Variants in TRAPPC12 observed in about 807,000 individuals in gnomAD.
TRAPPC12 encodes TPR repeat protein 15.
Under a neutral mutation model 69.2 loss-of-function variants are expected in TRAPPC12, and 61 were observed. The observed-to-expected ratio is 0.88, with a 90% CI of 0.72 to 1.09. The LOEUF (loss-of-function observed/expected upper bound fraction) is 1.09, where lower values mean the gene tolerates loss of function less well. TRAPPC12 is among the 50% of genes least tolerant of loss of function. TRAPPC12 has a pLI of 0.00. For synonymous variants in TRAPPC12, 469 were observed against 438.9 expected (o/e 1.07, Z -0.86); for missense variants, 1,101 against 1,016.4 (o/e 1.08, Z -1.13).
intron 2 of TRAPPC12, 52 bp downstream of exon 2, chr2:3,388,722 G>T: frequency 6.8e-7 from 1 of 1,463,112 alleles, no homozygotes. Flanking sequence ...CTGCGTCTGT[G>T]AGATACGCAC....
chr2:3,412,870 A>AG (rs1246902069), intron 3 of TRAPPC12, among the ~76,000 whole-genome samples: 4 of 152,240 alleles, frequency 2.6e-5, no homozygotes, highest in Non-Finnish European at 5.9e-5. Context: ...ACACAGAGCT[A>AG]GGCACATAAG....
intron 3 of TRAPPC12, among the ~76,000 whole-genome samples, chr2:3,404,901 AAG>A (rs1404731341): frequency 6.6e-6 from 1 of 151,870 alleles, no homozygotes; most frequent in Non-Finnish European, 1.5e-5. Context: ...AGGGGGCGCA[AAG>A]AGTGAGGAGA....
At chr2:3,395,236 T>G (rs568078237) in intron 2 of TRAPPC12, among the ~76,000 whole-genome samples, 118 of 152,324 alleles carry the variant, frequency 7.7e-4, no homozygotes, top group Non-Finnish European at 3.2e-4. Context: ...ATAGACTACT[T>G]GATACAAAGG....
intron 1 of TRAPPC12, among the ~76,000 whole-genome samples, chr2:3,382,247 G>A (rs1660247415): frequency 6.7e-6 from 1 of 148,942 alleles, no homozygotes; most frequent in African/African-American, 2.5e-5. Flanking sequence ...TGATTCTGCT[G>A]CCTCAGCCTC....
intron 1 of TRAPPC12, among the ~76,000 whole-genome samples, chr2:3,383,738 A>T (rs752542302): frequency 6.6e-6 from 1 of 151,894 alleles, no homozygotes; most frequent in Non-Finnish European, 1.5e-5. Context: ...CCTGAGATTG[A>T]TACTGTGTCT....
At chr2:3,458,550 G>T in intron 7 of TRAPPC12, 3 of 663,006 alleles carry the variant, frequency 4.5e-6, no homozygotes, top group Non-Finnish European at 5.6e-6. Context: ...TGTTGGGTGT[G>T]CATGCTGTGG....
At chr2:3,397,703 T>A (rs149767537) in intron 2 of TRAPPC12, among the ~76,000 whole-genome samples, 1 of 152,360 alleles carries the variant, frequency 6.6e-6, no homozygotes, top group East Asian at 1.9e-4. Flanking sequence ...CCACAAAGGA[T>A]TATGTAGGTG....
intron 5 of TRAPPC12, among the ~76,000 whole-genome samples, chr2:3,434,955 G>A (rs1415947972): frequency 2.0e-5 from 3 of 152,224 alleles, no homozygotes; most frequent in Non-Finnish European, 4.4e-5. Context: ...GGTGCAGCAG[G>A]AGGAGCCGAT....
At chr2:3,438,452 C>T (rs1297905141) in intron 5 of TRAPPC12, among the ~76,000 whole-genome samples, 1 of 146,158 alleles carries the variant, frequency 6.8e-6, no homozygotes, top group Non-Finnish European at 1.5e-5. Context: ...GGATTAACCC[C>T]CATCACCCCT....
At chr2:3,402,362 C>T (rs537456767) in intron 3 of TRAPPC12, among the ~76,000 whole-genome samples, 36 of 152,126 alleles carry the variant, frequency 2.4e-4, no homozygotes, top group Non-Finnish European at 1.0e-4. Context: ...GAGGCCAAGG[C>T]GGGCAGATCA....
chr2:3,447,618 C>A (rs34545200), intron 6 of TRAPPC12, among the ~76,000 whole-genome samples: 64,033 of 151,924 alleles, frequency 0.42, 13,769 homozygotes, highest in South Asian at 0.5. Flanking sequence ...CCCCACCAGG[C>A]CCCACCTCCA....
At chr2:3,473,430 T>C (rs770139134) in intron 9 of TRAPPC12, among the ~76,000 whole-genome samples, 1 of 152,206 alleles carries the variant, frequency 6.6e-6, no homozygotes, top group Non-Finnish European at 1.5e-5. Context: ...AACATAAAAA[T>C]TTAGACTAAA....
intron 5 of TRAPPC12, among the ~76,000 whole-genome samples, chr2:3,439,507 C>T (rs1466828398): frequency 6.6e-6 from 1 of 152,286 alleles, no homozygotes; most frequent in Non-Finnish European, 1.5e-5. Flanking sequence ...AGCCTCCCCG[C>T]GTGCTGGGAT....
intron 5 of TRAPPC12, among the ~76,000 whole-genome samples, chr2:3,427,894 C>CA (rs11338736): frequency 3.3e-3 from 468 of 142,994 alleles, no homozygotes; most frequent in African/African-American, 5.4e-3. Context: ...CTCTGTCCCA[C>CA]AAAAAAAAAA....
At chr2:3,451,653 A>G (rs1045359743) in intron 6 of TRAPPC12, among the ~76,000 whole-genome samples, 1 of 151,930 alleles carries the variant, frequency 6.6e-6, no homozygotes, top group Non-Finnish European at 1.5e-5. Flanking sequence ...CCTCCTGAGT[A>G]GCTGGGACTA....
rs748473854 is a variant in TRAPPC12, at chr2:3,387,864, G to A, written c.241G>A (p.Asp81Asn). Residue 81 changes from aspartate (D) to asparagine (N), a missense_variant, in exon 2 of 12, where the codon GAC (aspartate) becomes AAC (asparagine). Asp to Asn is a conservative substitution (Grantham distance 23, BLOSUM62 1). Transcript: ENST00000324266. Reference protein sequence around the residue: ...LISDSPNSEGDAGDLGRVRDE... With the variant: ...LISDSPNSEGNAGDLGRVRDE... ...CTCTGACTCCCCCAACAGCGAGGGCGACGCGGGCGACCTGGGCCGAGTGCG... is the reference window on the plus strand; with the variant it reads ...CTCTGACTCCCCCAACAGCGAGGGCAACGCGGGCGACCTGGGCCGAGTGCG... The A allele has an allele frequency of 2.5e-6, 4 of 1,594,684 alleles. No homozygotes were observed. The highest frequency in any genetic ancestry group is 1.7e-4 in the Middle Eastern group (1 of 6,012).
At chr2:3,431,890 T>C (rs1663463623) in intron 5 of TRAPPC12, among the ~76,000 whole-genome samples, 1 of 152,224 alleles carries the variant, frequency 6.6e-6, no homozygotes, top group Non-Finnish European at 1.5e-5. Context: ...TTTAATTTCA[T>C]CCTCTCTCAG....
intron 9 of TRAPPC12, among the ~76,000 whole-genome samples, chr2:3,474,742 C>G (rs1402327625): frequency 6.6e-6 from 1 of 152,228 alleles, no homozygotes; most frequent in South Asian, 2.1e-4. Context: ...TGCTTTCTCT[C>G]TCTCTGGAAA....
chr2:3,470,164 C>G (rs1330577620), intron 9 of TRAPPC12, among the ~76,000 whole-genome samples: 2 of 152,186 alleles, frequency 1.3e-5, no homozygotes, highest in Non-Finnish European at 2.9e-5. Flanking sequence ...ATAGCTGGGC[C>G]CATTCTGCTC....
Sources: gnomAD v4.1 joint callset for allele counts (sites outside exome capture counted in the v4.1 genomes callset) on GRCh38, gnomAD v4.1.1 for gene constraint, MANE v1.5 for transcripts, NCBI Gene and HGNC (gene_info 2026-07-23, HGNC 2026-07-21) for gene names.